FUNDC1: variants seen among roughly 807,000 people sequenced by gnomAD.
FUNDC1 encodes FUN14 domain-containing protein 1.
Under a neutral mutation model 14.5 loss-of-function variants are expected in FUNDC1, and 10 were observed. The ratio of observed to expected loss-of-function variants is 0.69; its 90% CI spans 0.43 to 1.17. FUNDC1 has a LOEUF of 1.17. Ranked by LOEUF, FUNDC1 falls within the 50% of genes most tolerant of loss-of-function variation. The probability of loss-of-function intolerance (pLI) is 0.00; values close to 1 mark genes in which losing one functional copy is unlikely to be tolerated. For missense variants in FUNDC1, 115 were observed against 113.8 expected (o/e 1.01, Z -0.05); for synonymous variants, 33 against 39.7 (o/e 0.83, Z 0.64).
chrX:44,527,354 A>G lies in FUNDC1; in HGVS notation c.273T>C (p.His91=). 2 of 1,178,233 alleles carry G rather than the reference A, an allele frequency of 1.7e-6. No homozygotes were observed. The highest frequency in any genetic ancestry group is 1.8e-5 in the African/African-American group (1 of 56,805). ...TCCAGTCAATCTGCACATAGCCACT[A>G]TGACTAGCAATCTGCAAAAAATATA... is the stretch of plus-strand genomic sequence containing the variant. ...GGFLLLQIAS[H]SGYVQIDWKR... is the part of the protein sequence containing the mutation. Residue 91 remains histidine, a synonymous_variant, in exon 4 of 5, where the codon CAT becomes CAC. Coordinates refer to ENST00000378045, the MANE Select transcript of FUNDC1 (RefSeq NM_173794.4).
chrX:44,535,380 A>G (rs2038943120), intron 3 of FUNDC1, among the ~76,000 whole-genome samples: 1 of 109,971 alleles, frequency 9.1e-6, no homozygotes, highest in Non-Finnish European at 1.9e-5. Context: ...TAAAGAAATA[A>G]TACTGGGCCA....
At chrX:44,524,395 C>T in intron 4 of FUNDC1, 120 bp from the exon 5 acceptor site, 1 of 484,039 alleles carries the variant, frequency 2.1e-6, no homozygotes, top group Admixed American at 3.2e-5. Flanking sequence ...TGATTCTGCT[C>T]GTATGAGTAG....
chrX:44,538,591 C>T, intron 2 of FUNDC1, 49 bp from the exon 3 acceptor site: 3 of 910,275 alleles, frequency 3.3e-6, no homozygotes, highest in Non-Finnish European at 4.8e-6. Flanking sequence ...GTACTAAACC[C>T]TCTCCCTCTT....
chrX:44,537,348 C>A (rs999166601), intron 3 of FUNDC1, among the ~76,000 whole-genome samples: 19 of 111,911 alleles, frequency 1.7e-4, no homozygotes. Flanking sequence ...GAAATGACAA[C>A]TGAGTCTTCA....
intron 3 of FUNDC1, among the ~76,000 whole-genome samples, chrX:44,530,988 T>A (rs1330725766): frequency 9.1e-6 from 1 of 109,958 alleles, no homozygotes; most frequent in East Asian, 2.9e-4. Context: ...ACGCCTATAA[T>A]CCCAACACTT....
intron 3 of FUNDC1, among the ~76,000 whole-genome samples, chrX:44,534,841 GAGA>G: frequency 8.9e-6 from 1 of 111,815 alleles, no homozygotes; most frequent in African/African-American, 3.2e-5. Context: ...ACCAAAACAA[GAGA>G]ATACATCAAG....
intron 3 of FUNDC1, among the ~76,000 whole-genome samples, chrX:44,532,767 G>A (rs1023686737): frequency 1.8e-5 from 2 of 110,066 alleles, no homozygotes; most frequent in African/African-American, 6.6e-5. Flanking sequence ...GGCCAGGCTT[G>A]TCTCGAACTT....
intron 4 of FUNDC1, among the ~76,000 whole-genome samples, chrX:44,525,162 G>A (rs1397439128): frequency 9.0e-6 from 1 of 111,011 alleles, no homozygotes; most frequent in Non-Finnish European, 1.9e-5. Flanking sequence ...GACTGTTTAA[G>A]ACTAAATGAG....
chrX:44,531,763 AAAAC>A (rs2038926382), intron 3 of FUNDC1, among the ~76,000 whole-genome samples: 1 of 41,749 alleles, frequency 2.4e-5, no homozygotes, highest in Non-Finnish European at 3.8e-5. Context: ...GAAGAAGCTT[AAAAC>A]ACACACACAC....
At chrX:44,540,414 TTGTGTGTGTGTGTG>T (rs367975882) in intron 2 of FUNDC1, among the ~76,000 whole-genome samples, 1 of 96,651 alleles carries the variant, frequency 1.0e-5, no homozygotes, top group African/African-American at 4.0e-5. Flanking sequence ...AATGTGTGTG[TTGTGTGTGTGTGTG>T]TGTGTGTGTG....
At chrX:44,531,990 C>T (rs1311592443) in intron 3 of FUNDC1, among the ~76,000 whole-genome samples, 1 of 111,487 alleles carries the variant, frequency 9.0e-6, no homozygotes, top group Non-Finnish European at 1.9e-5. Context: ...AAGAGACAAA[C>T]CTTCCAACAG....
intron 4 of FUNDC1, among the ~76,000 whole-genome samples, chrX:44,526,156 C>A (rs936400023): frequency 9.1e-6 from 1 of 110,128 alleles, no homozygotes; most frequent in East Asian, 2.9e-4. Context: ...GTTGGCCGGG[C>A]CTGGTGGCTC....
At chrX:44,527,772 G>C (rs779183782) in intron 3 of FUNDC1, among the ~76,000 whole-genome samples, 2 of 111,765 alleles carry the variant, frequency 1.8e-5, no homozygotes, top group Non-Finnish European at 3.8e-5. Context: ...AGATTATATA[G>C]CTAATTTAAA....
At chrX:44,527,408 G>C in intron 3 of FUNDC1, 43 bp from the exon 4 acceptor site, 1 of 1,016,897 alleles carries the variant, frequency 9.8e-7, no homozygotes, top group Non-Finnish European at 1.3e-6. Context: ...ATACCAACTA[G>C]GTTGCTGACT....
intron 1 of FUNDC1, 82 bp downstream of exon 1, chrX:44,542,723 G>C (rs921319908): frequency 1.4e-5 from 13 of 951,204 alleles, no homozygotes; most frequent in Non-Finnish European, 1.8e-5. Context: ...TCCTAGGGCA[G>C]GGGAAGGAAG....
chrX:44,540,171 T>C (rs1347762647), intron 2 of FUNDC1, among the ~76,000 whole-genome samples: 1 of 110,968 alleles, frequency 9.0e-6, no homozygotes, highest in Non-Finnish European at 1.9e-5. Flanking sequence ...TACAGCAAAA[T>C]AAAATCTCCT....
chrX:44,531,294 GATGAAGATTCATGTTGGCCAGACACACAC>G, intron 3 of FUNDC1, among the ~76,000 whole-genome samples: 1 of 36,605 alleles, frequency 2.7e-5, no homozygotes, highest in African/African-American at 6.3e-4. Context: ...ACGGCTTTCA[GATGAAGATTCATGTTGGCCAGACACACAC>G]ACACACACAC....
chrX:44,531,598 C>T lies in FUNDC1; in HGVS notation c.262-4233G>A, dbSNP rs185172580. On this transcript the variant is annotated intron_variant, in intron 3 of 4. Transcript: ENST00000378045. Reference sequence around the variant, plus strand: ...CATATTGTTTAGAGCTTTCCATCAACTTTTAGTGCTCAATTCTTAAATATG... The same window carrying T: ...CATATTGTTTAGAGCTTTCCATCAATTTTTAGTGCTCAATTCTTAAATATG... Among the ~76,000 whole-genome samples, 32 of 110,142 alleles carry T rather than the reference C, an allele frequency of 2.9e-4. No individual in the cohort carries two copies. In the East Asian group the frequency reaches 5.7e-3, roughly 20 times the overall value.
At chrX:44,524,870 A>G (rs757687497) in intron 4 of FUNDC1, among the ~76,000 whole-genome samples, 1 of 111,239 alleles carries the variant, frequency 9.0e-6, no homozygotes, top group Non-Finnish European at 1.9e-5. Context: ...AAAGAAATCT[A>G]CCTGTAAGGT....
Sources: gnomAD v4.1 joint callset for allele counts (sites outside exome capture counted in the v4.1 genomes callset) on GRCh38, gnomAD v4.1.1 for gene constraint, MANE v1.5 for transcripts, NCBI Gene and HGNC (gene_info 2026-07-23, HGNC 2026-07-21) for gene names.